ALOXE3: variants seen among roughly 807,000 people sequenced by gnomAD.
ALOXE3 encodes hydroperoxide isomerase ALOXE3.
Under a neutral mutation model 87.5 loss-of-function variants are expected in ALOXE3, and 78 were observed. The ratio of observed to expected loss-of-function variants is 0.89; its 90% CI spans 0.74 to 1.08. The LOEUF is 1.08. Among genes scored for constraint, ALOXE3 ranks in the 50% least tolerant of loss-of-function variants. The pLI is 0.00. For missense variants in ALOXE3, 946 were observed against 912.4 expected, an observed-to-expected ratio of 1.04 and a Z score of -0.47; for synonymous variants, 363 against 370.8, an observed-to-expected ratio of 0.98 and a Z score of 0.24.
intron 13 of ALOXE3, 90 bp from the exon 14 acceptor site, chr17:8,104,305 A>T (rs1179494681): frequency 2.1e-6 from 2 of 961,872 alleles, no homozygotes; most frequent in African/African-American, 3.2e-5. Context: ...ACAGGGGGAA[A>T]GTGAGGAAGT....
chr17:8,096,803 G>C lies in ALOXE3; in HGVS notation c.1960C>G (p.Pro654Ala). The C allele has an allele frequency of 6.2e-7, 1 of 1,614,126 alleles. No individual in the cohort carries two copies. Among genetic ancestry groups the C allele is most frequent in the East Asian group, 2.2e-5 (1 of 44,876 alleles). Residue 654 changes from proline (P) to alanine (A), a missense_variant, in exon 16 of 16, where the codon CCC becomes GCC. By Grantham distance (27) the Pro-to-Ala change is conservative. Coordinates refer to ENST00000448843, the MANE Select transcript of ALOXE3 (RefSeq NM_021628.3). ...TGCTCATCTGGGTAGGTGCCCAGGG[G>C]CCTCTGGGAGGACATCAGGTAAGAG... is the stretch of plus-strand genomic sequence containing the variant. ...LVSQEPKDQR[P>A]LGTYPDEHFT...
At position 8,110,015 on chromosome 17, in the gene ALOXE3, C is replaced by T. The variant is rs1400007870; in HGVS notation, c.1306-13G>A. The T allele has an allele frequency of 2.6e-6, 4 of 1,561,478 alleles. No individual in the cohort carries two copies. Among genetic ancestry groups the T allele is most frequent in the Non-Finnish European group, 3.5e-6 (4 of 1,152,570 alleles). On this transcript the variant is annotated splice_polypyrimidine_tract_variant and intron_variant, in intron 10 of 15. Transcript: ENST00000448843. ...GGGGGAGTAGGAGCTGCGAGCGGAG[C>T]GGATCACGTGAGCTGAAGGCCGGGG...
At chr17:8,109,735 G>A (rs1269821392) in intron 11 of ALOXE3, among the ~76,000 whole-genome samples, 181 bp downstream of exon 11, 4 of 151,920 alleles carry the variant, frequency 2.6e-5, no homozygotes, top group Non-Finnish European at 4.4e-5. Context: ...GAAGGGGGCC[G>A]GTAGGAGACC....
At chr17:8,107,840 A>AGGTTGGTGGCTGGAGG (rs1491185832) in intron 13 of ALOXE3, among the ~76,000 whole-genome samples, 17 of 4,466 alleles carry the variant, frequency 3.8e-3, no homozygotes, top group Non-Finnish European at 4.9e-3. Context: ...AAAGAAAGAA[A>AGGTTGGTGGCTGGAGG]GAAAGAAAGA....
intron 15 of ALOXE3, among the ~76,000 whole-genome samples, chr17:8,101,613 T>C (rs527258019): frequency 1.2e-4 from 19 of 152,260 alleles, no homozygotes; most frequent in African/African-American, 4.6e-4. Flanking sequence ...GCCAGGAAGA[T>C]CAAATATGTG....
chr17:8,098,682 G>A (rs1978727003), intron 15 of ALOXE3, among the ~76,000 whole-genome samples: 1 of 152,060 alleles, frequency 6.6e-6, no homozygotes, highest in Non-Finnish European at 1.5e-5. Context: ...TTGACGTAAT[G>A]AACTATATTG....
intron 3 of ALOXE3, 81 bp from the exon 4 acceptor site, chr17:8,115,769 C>G (rs1297764850): frequency 1.4e-6 from 2 of 1,392,496 alleles, no homozygotes; most frequent in Non-Finnish European, 2.0e-6. Flanking sequence ...ACCCCCTGAC[C>G]CTTGAACCCA....
At chr17:8,111,793 G>A (rs186316016) in intron 7 of ALOXE3, among the ~76,000 whole-genome samples, 4 of 151,626 alleles carry the variant, frequency 2.6e-5, no homozygotes, top group African/African-American at 7.3e-5. Flanking sequence ...TTGGAGTAGG[G>A]GAAGAGAGTC....
At chr17:8,109,452 C>G (rs1367634096) in intron 11 of ALOXE3, 109 bp from the exon 12 acceptor site, 1 of 1,446,298 alleles carries the variant, frequency 6.9e-7, no homozygotes, top group Non-Finnish European at 9.4e-7. Context: ...CTTCGGTTCA[C>G]CAAGCAATCC....
intron 13 of ALOXE3, among the ~76,000 whole-genome samples, chr17:8,106,106 G>A (rs1284114062): frequency 6.6e-6 from 1 of 151,844 alleles, no homozygotes; most frequent in Non-Finnish European, 1.5e-5. Flanking sequence ...CGAGAGGCTG[G>A]GAGAGGTGGG....
chr17:8,096,246 A>G lies in ALOXE3; in HGVS notation c.*381T>C, dbSNP rs1259803055. 1 of 222,356 alleles carries G rather than the reference A, an allele frequency of 4.5e-6. No homozygotes were observed. The highest frequency in any genetic ancestry group is 2.3e-5 in the African/African-American group (1 of 43,702). 13.8% of individuals were successfully genotyped at this position (222,356 alleles called of 1,614,324 possible). A position where few individuals can be genotyped will look rare whatever the true frequency, so the allele number is the denominator to read the frequency against. ...TGGAAGAAAGAGAACGTAGAAAGGC[A>G]TGGTAGGAGAAGGAGTTTGGGGATT... On this transcript the variant is annotated 3_prime_UTR_variant, in exon 16 of 16. Coordinates refer to ENST00000448843, the MANE Select transcript of ALOXE3 (RefSeq NM_021628.3).
At chr17:8,109,420 G>A (rs1979816580) in intron 11 of ALOXE3, 77 bp from the exon 12 acceptor site, 2 of 1,571,850 alleles carry the variant, frequency 1.3e-6, no homozygotes, top group South Asian at 1.1e-5. Context: ...TGGGGCTGGG[G>A]ACTCGGCCCA....
rs772181192 is a variant in ALOXE3 at position 8,104,203 on chromosome 17, C to T, written c.1697G>A (p.Arg566Gln). The change falls in exon 14 of 16, where the codon CGG (arginine) becomes CAG (glutamine). Residue 566 changes from arginine (R) to glutamine (Q), a missense_variant. Coordinates refer to ENST00000448843, the MANE Select transcript of ALOXE3 (RefSeq NM_021628.3). The stretch of plus-strand genomic sequence containing the variant: ...CACCATCTCTCCTGGGGTGCACAGC[C>T]GGCTTGGGAAACCTGGGTGTGGGGA... The part of the protein sequence containing the change: ...LGRESSGFPS[R>Q]LCTPGEMVKF... The T allele has an allele frequency of 3.8e-5, 61 of 1,613,704 alleles. No individual in the cohort carries two copies. The highest frequency in any genetic ancestry group is 6.7e-5 in the Admixed American group (4 of 59,994).
At chr17:8,107,998 G>A (rs183055626) in intron 13 of ALOXE3, among the ~76,000 whole-genome samples, 74 of 6,564 alleles carry the variant, frequency 0.011, 20 homozygotes, top group African/African-American at 0.021. Flanking sequence ...AAGAAAGGAA[G>A]GAAAGAAAGA....
rs1010141433 is a variant in ALOXE3, at chr17:8,117,714, T to A, written c.147+130A>T. 4 of 1,517,530 alleles carry A rather than the reference T, an allele frequency of 2.6e-6. No homozygotes were observed. The African/African-American group carries it at 5.5e-5, about 21-fold the overall frequency. 94.0% of individuals were successfully genotyped at this position (1,517,530 alleles called of 1,614,324 possible). On this transcript the variant is annotated intron_variant, in intron 2 of 15. Transcript: ENST00000448843. Reference sequence around the variant, plus strand: ...TCTCCAGGAAAGACAGGGACCTCAATAGGGAAGGTGAGGAGGTCAGGGCCG... The same window carrying A: ...TCTCCAGGAAAGACAGGGACCTCAAAAGGGAAGGTGAGGAGGTCAGGGCCG...
intron 11 of ALOXE3, 135 bp from the exon 12 acceptor site, chr17:8,109,478 AC>A: frequency 8.3e-7 from 1 of 1,204,150 alleles, no homozygotes; most frequent in Admixed American, 2.1e-5. Flanking sequence ...TCAAATACCC[AC>A]GAGGGCCTGC....
intron 6 of ALOXE3, among the ~76,000 whole-genome samples, chr17:8,113,077 A>G (rs1348120079): frequency 6.6e-6 from 1 of 152,192 alleles, no homozygotes; most frequent in East Asian, 1.9e-4. Flanking sequence ...GTAGAAAGCC[A>G]TCTACTCCAT....
At position 8,107,935 on chromosome 17, in the gene ALOXE3, A is replaced by AG. The variant is rs1979558153; in HGVS notation, c.1684+532_1684+533insC. On this transcript the variant is annotated intron_variant, in intron 13 of 15. Coordinates refer to ENST00000448843, the MANE Select transcript of ALOXE3 (RefSeq NM_021628.3). The stretch of plus-strand genomic sequence containing the variant: ...AAAGAAAGAAAGAAAGAAAGAAAGA[A>AG]AGAAAGAAAGAAAGAAAGAAAGAAA... 5.5e-4 allele frequency among the ~76,000 whole-genome samples: 3 copies of AG among 5,480 alleles called. 1 individual carries two copies. The highest frequency in any genetic ancestry group is 6.9e-3 in the South Asian group (2 of 288). The allele number at this position is 5,480 out of a possible 152,430, so 3.6% of individuals were successfully genotyped here.
rs757289063 is a variant in ALOXE3 at position 8,109,170 on chromosome 17, G to T, written c.1562+4C>A. ...GACTGCTGGTCCCGCCCCGCACCTCGCACCTCTCAATGGCCGCCCAGATCT... is the reference window on the plus strand; with the variant it reads ...GACTGCTGGTCCCGCCCCGCACCTCTCACCTCTCAATGGCCGCCCAGATCT... On this transcript the variant is annotated splice_donor_region_variant and intron_variant, in intron 12 of 15. Transcript: ENST00000448843. The T allele has an allele frequency of 7.4e-6, 12 of 1,612,802 alleles. No homozygotes were observed. In the East Asian group the frequency reaches 2.2e-4, roughly 30 times the overall value.
Sources: allele counts gnomAD v4.1 joint callset (sites outside exome capture counted in the v4.1 genomes callset), GRCh38; gene constraint gnomAD v4.1.1; transcripts MANE v1.5; gene names NCBI Gene and HGNC (gene_info 2026-07-23, HGNC 2026-07-21).